Variants in TMEM106C observed in about 807,000 individuals in gnomAD.
TMEM106C encodes transmembrane protein 106C, also known as endoplasmic reticulum membrane protein overexpressed in cancer.
Under a neutral mutation model 30.8 loss-of-function variants are expected in TMEM106C, and 27 were observed. That is an observed-to-expected ratio of 0.88 (90% CI 0.65 to 1.21). TMEM106C has a LOEUF of 1.21. Ranked by LOEUF, TMEM106C falls within the 50% of genes most tolerant of loss-of-function variation. The probability of loss-of-function intolerance (pLI) is 0.00; values close to 1 mark genes in which losing one functional copy is unlikely to be tolerated. For missense variants in TMEM106C, 288 were observed against 307.8 expected (o/e 0.94, Z 0.48); for synonymous variants, 123 against 118.8 (o/e 1.04, Z -0.23).
chr12:47,964,862 C>G (rs1420332294), intron 2 of TMEM106C: 2 of 258,388 alleles, frequency 7.7e-6, no homozygotes, highest in East Asian at 2.0e-4. Context: ...GGTACAGGAT[C>G]ATCTATTACT....
Position 47,968,515 on chromosome 12 carries a change from G to A in TMEM106C, c.*286G>A, listed in dbSNP as rs1359503314. ...ACAGATCTTTTCAGCTGTTCTTAGG[G>A]CATTATAAATGGAAATCATAACGTG... On this transcript the variant is annotated 3_prime_UTR_variant, in exon 8 of 8. Transcript: ENST00000429772. 2.1e-5 allele frequency: 9 copies of A among 430,708 alleles called. No homozygotes were observed. In the East Asian group the frequency reaches 4.8e-4, roughly 23 times the overall value. 26.7% of individuals were successfully genotyped at this position (430,708 alleles called of 1,614,324 possible). A position where few individuals can be genotyped will look rare whatever the true frequency, so the allele number is the denominator to read the frequency against.
chr12:47,965,606 G>C, intron 3 of TMEM106C: 1 of 682,622 alleles, frequency 1.5e-6, no homozygotes, highest in Non-Finnish European at 2.5e-6. Flanking sequence ...GTGTGGGACT[G>C]TCTCTGTCCA....
chr12:47,967,205 T>C lies in TMEM106C; in HGVS notation c.603-3T>C. The C allele has an allele frequency of 6.2e-7, 1 of 1,613,660 alleles. No homozygotes were observed. The highest frequency in any genetic ancestry group is 8.5e-7 in the Non-Finnish European group (1 of 1,179,870). On this transcript the variant is annotated splice_polypyrimidine_tract_variant and splice_region_variant and intron_variant, in intron 6 of 7. Transcript: ENST00000429772. ...GACTATTTCCATATTTGCTGTTTGGTAGCTTCTTCTGCACGGTACCTGAGA... is the reference window on the plus strand; with the variant it reads ...GACTATTTCCATATTTGCTGTTTGGCAGCTTCTTCTGCACGGTACCTGAGA...
rs552717722 is a variant in TMEM106C, at chr12:47,967,164, T to TAAAA, written c.603-34_603-31dup. 4.5e-5 allele frequency: 64 copies of TAAAA among 1,419,888 alleles called. 1 individual carries two copies. Among genetic ancestry groups the TAAAA allele is most frequent in the South Asian group, 4.0e-4 (34 of 85,564 alleles). 88.0% of individuals were successfully genotyped at this position (1,419,888 alleles called of 1,614,324 possible). A position where few individuals can be genotyped will look rare whatever the true frequency, so the allele number is the denominator to read the frequency against. On this transcript the variant is annotated intron_variant, in intron 6 of 7. Transcript: ENST00000429772. The stretch of plus-strand genomic sequence containing the variant: ...ACTCTGCACTCTTCTACTGAGGCTT[T>TAAAA]AAAAAAAAAAAAACTGACTATTTCC...
intron 6 of TMEM106C, 68 bp from the exon 7 acceptor site, chr12:47,967,140 C>A: frequency 6.5e-7 from 1 of 1,532,086 alleles, no homozygotes; most frequent in Non-Finnish European, 9.0e-7. Flanking sequence ...GACAGTGTAA[C>A]TCTGCACTCT....
At position 47,964,246 on chromosome 12, in the gene TMEM106C, C is replaced by T. The variant is rs1169299585; in HGVS notation, c.10C>T (p.Gln4Ter). The change falls in exon 2 of 8, where the codon CAG becomes TAG. Residue 4 changes from glutamine to a stop codon, truncating the protein, a stop_gained. Transcript: ENST00000429772. LOFTEE classifies it high-confidence loss of function. Reference sequence around the variant, plus strand: ...GTGGCATATCACGGCCATGGGGTCTCAGCATTCCGCTGCTGCTCGCCCCTC... The same window carrying T: ...GTGGCATATCACGGCCATGGGGTCTTAGCATTCCGCTGCTGCTCGCCCCTC... The part of the protein sequence containing the change: MGS[Q>*]HSAAARPSSC... The T allele has an allele frequency of 6.2e-7, 1 of 1,612,988 alleles. No individual in the cohort carries two copies. The highest frequency in any genetic ancestry group is 1.7e-5 in the Admixed American group (1 of 59,876).
chr12:47,967,779 C>A (rs1016496810), intron 7 of TMEM106C, among the ~76,000 whole-genome samples: 3 of 152,122 alleles, frequency 2.0e-5, no homozygotes, highest in African/African-American at 2.4e-5. Flanking sequence ...GGGGGCTGTT[C>A]TGTGCATTAT....
At chr12:47,964,608 T>C (rs1592184394) in intron 2 of TMEM106C, 185 bp downstream of exon 2, 1 of 601,740 alleles carries the variant, frequency 1.7e-6, no homozygotes, top group Non-Finnish European at 2.9e-6. Context: ...TCCTTATTTT[T>C]CCAACCCTTT....
At chr12:47,966,390 G>T (rs1938225371) in intron 5 of TMEM106C, 161 bp downstream of exon 5, 8 of 849,428 alleles carry the variant, frequency 9.4e-6, no homozygotes, top group Admixed American at 3.0e-5. Flanking sequence ...ATAAATAATT[G>T]TGAGAAAAAA....
chr12:47,967,609 C>G (rs756343410), intron 7 of TMEM106C, among the ~76,000 whole-genome samples: 1 of 152,196 alleles, frequency 6.6e-6, no homozygotes, highest in African/African-American at 2.4e-5. Context: ...TCTAGCCACA[C>G]AAATTACCAC....
chr12:47,968,544 C>T lies in TMEM106C; in HGVS notation c.*315C>T, dbSNP rs1052761. Reference sequence around the variant, plus strand: ...TATAAATGGAAATCATAACGTGGTTCTAGGTTATCAAACCATGGAGTGATG... The same window carrying T: ...TATAAATGGAAATCATAACGTGGTTTTAGGTTATCAAACCATGGAGTGATG... On this transcript the variant is annotated 3_prime_UTR_variant, in exon 8 of 8. Transcript: ENST00000429772. The T allele has an allele frequency of 5.2e-6, 2 of 386,218 alleles. No individual in the cohort carries two copies. Among genetic ancestry groups the T allele is most frequent in the Non-Finnish European group, 1.0e-5 (2 of 199,648 alleles). The allele number at this position is 386,218 out of a possible 1,614,324, so 23.9% of individuals were successfully genotyped here. A position where few individuals can be genotyped will look rare whatever the true frequency, so the allele number is the denominator to read the frequency against.
chr12:47,966,155 C>G lies in TMEM106C; in HGVS notation c.478C>G (p.Gln160Glu). 6.2e-7 allele frequency: 1 copy of G among 1,614,226 alleles called. No homozygotes were observed. Among genetic ancestry groups the G allele is most frequent in the Non-Finnish European group, 8.5e-7 (1 of 1,180,032 alleles). The stretch of plus-strand genomic sequence containing the variant: ...AGTGACCAGCCTGTCCAGCCAGATT[C>G]AGTACATGAACACAGTGGTCAGTAC... ...VAVTSLSSQIQYMNTVVSTYV... is the reference protein window; with the variant it reads ...VAVTSLSSQIEYMNTVVSTYV... Residue 160 changes from glutamine to glutamate, a missense_variant, in exon 5 of 8, where the codon CAG becomes GAG. Coordinates refer to ENST00000429772, the MANE Select transcript of TMEM106C (RefSeq NM_001143842.2).
Position 47,964,394 on chromosome 12 carries a change from C to T in TMEM106C, c.158C>T (p.Thr53Met), listed in dbSNP as rs773268156. Residue 53 changes from threonine (T) to methionine (M), a missense_variant, in exon 2 of 8, where the codon ACG (threonine) becomes ATG (methionine). By Grantham distance (81) the Thr-to-Met change is moderately conservative. Transcript: ENST00000429772. ...FTGRDSITCL[T>M]CQGTGYIPTE... is the part of the protein sequence containing the mutation. ...GGGAGAGATAGCATCACCTGTCTCA[C>T]GTGCCAGGGGACAGGCTACATTCCA... is the stretch of plus-strand genomic sequence containing the variant. 4 of 1,614,166 alleles carry T rather than the reference C, an allele frequency of 2.5e-6. No individual in the cohort carries two copies. In the South Asian group the frequency reaches 3.3e-5, roughly 13 times the overall value.
rs749237830 is a variant in TMEM106C, at chr12:47,965,335, C to T, written c.241C>T (p.Pro81Ser). Reference protein sequence around the residue: ...LIPHSDQRLRPQRTKQYVLLS... With the variant: ...LIPHSDQRLRSQRTKQYVLLS... ...CCCACACAGTGATCAGAGATTGCGC[C>T]CTCAGCGAACGTGAGTTACCTGCTT... The change falls in exon 3 of 8, where the codon CCT (proline) becomes TCT (serine). Residue 81 changes from proline to serine, a missense_variant. Pro to Ser is a moderately conservative substitution (Grantham distance 74). Transcript: ENST00000429772. 2.5e-6 allele frequency: 4 copies of T among 1,613,998 alleles called. No homozygotes were observed. The South Asian group carries it at 3.3e-5, about 13-fold the overall frequency.
In TMEM106C at chr12:47,968,313, C is replaced by G. The variant is rs774276986; in HGVS notation, c.*84C>G. ...AAGGCCTGAGTTCTGGACCTACCCC[C>G]ACGTGGTGTAAGCAGAGGAGGAATT... On this transcript the variant is annotated 3_prime_UTR_variant, in exon 8 of 8. Transcript: ENST00000429772. The G allele has an allele frequency of 2.8e-6, 3 of 1,076,006 alleles. No individual in the cohort carries two copies. Among genetic ancestry groups the G allele is most frequent in the Admixed American group, 1.7e-5 (1 of 58,314 alleles). The allele number at this position is 1,076,006 out of a possible 1,614,324, so 66.7% of individuals were successfully genotyped here. A position where few individuals can be genotyped will look rare whatever the true frequency, so the allele number is the denominator to read the frequency against.
intron 7 of TMEM106C, among the ~76,000 whole-genome samples, chr12:47,967,889 A>G (rs937854444): frequency 6.6e-6 from 1 of 152,126 alleles, no homozygotes; most frequent in Non-Finnish European, 1.5e-5. Flanking sequence ...AGGCATTGCC[A>G]GAAGTCTCCT....
rs531686448 is a variant in TMEM106C, at chr12:47,966,425, A to G, written c.552+196A>G. 1.7e-5 allele frequency: 12 copies of G among 725,516 alleles called. No individual in the cohort carries two copies. The South Asian group carries it at 2.2e-4, about 13-fold the overall frequency. The allele number at this position is 725,516 out of a possible 1,614,324, so 44.9% of individuals were successfully genotyped here. ...ACAGCTATCATTTAAGCATTTGGGGAGCAGAATAATTTGTAAGAGACAAAG... is the reference window on the plus strand; with the variant it reads ...ACAGCTATCATTTAAGCATTTGGGGGGCAGAATAATTTGTAAGAGACAAAG... On this transcript the variant is annotated intron_variant, in intron 5 of 7. Transcript: ENST00000429772.
chr12:47,968,357 C>A lies in TMEM106C; in HGVS notation c.*128C>A, dbSNP rs906558629. On this transcript the variant is annotated 3_prime_UTR_variant, in exon 8 of 8. Transcript: ENST00000429772. ...AGGAATTGGTTCACTTAACTCCCAG[C>A]AAACATCCTCCTGCCACTTAGGAGG... is the stretch of plus-strand genomic sequence containing the variant. 2.7e-6 allele frequency: 2 copies of A among 744,156 alleles called. No homozygotes were observed. Among genetic ancestry groups the A allele is most frequent in the Admixed American group, 2.0e-5 (1 of 51,024 alleles). 46.1% of individuals were successfully genotyped at this position (744,156 alleles called of 1,614,324 possible).
At chr12:47,966,584 T>G in intron 5 of TMEM106C, 99 bp from the exon 6 acceptor site, 1 of 1,306,358 alleles carries the variant, frequency 7.7e-7, no homozygotes, top group Non-Finnish European at 1.1e-6. Context: ...ATTTTGCATG[T>G]GATGGAAGAA....
Sources: gnomAD v4.1 joint callset for allele counts (sites outside exome capture counted in the v4.1 genomes callset) on GRCh38, gnomAD v4.1.1 for gene constraint, MANE v1.5 for transcripts, NCBI Gene and HGNC (gene_info 2026-07-23, HGNC 2026-07-21) for gene names.